RNF10: variants seen among roughly 807,000 people sequenced by gnomAD.
RNF10 encodes ring finger protein 10, also known as E3 ubiquitin-protein ligase RNF10.
Under a neutral mutation model 91.4 loss-of-function variants are expected in RNF10, and 38 were observed. The ratio of observed to expected loss-of-function variants is 0.42; its 90% CI spans 0.32 to 0.54. The LOEUF (loss-of-function observed/expected upper bound fraction) is 0.54. RNF10 is among the 20% of genes least tolerant of loss of function. The pLI is 0.16. For missense variants in RNF10, 945 were observed against 1,012.0 expected, an observed-to-expected ratio of 0.93 and a Z score of 0.90; for synonymous variants, 364 against 366.3, an observed-to-expected ratio of 0.99 and a Z score of 0.07.
At chr12:120,553,061 T>TGAGA (rs1873384923) in intron 3 of RNF10, among the ~76,000 whole-genome samples, 1 of 5,626 alleles carries the variant, frequency 1.8e-4, no homozygotes. Context: ...TTTTTTTTTT[T>TGAGA]TTTTTTTTTT....
In RNF10 at chr12:120,565,105, T is replaced by G. The variant is rs1411000861; in HGVS notation, c.1699T>G (p.Leu567Val). The change falls in exon 11 of 17, where the codon TTG becomes GTG. Residue 567 changes from leucine (L) to valine (V), a missense_variant. By Grantham distance (32) the Leu-to-Val change is conservative. Coordinates refer to ENST00000325954, the MANE Select transcript of RNF10 (RefSeq NM_014868.5). The stretch of plus-strand genomic sequence containing the variant: ...ACAGCGTCACAGATATCTCTCTCAC[T>G]TGCCACTCACCTGTGAGTTCAGCAT... ...VRQRHRYLSH[L>V]PLTCEFSICE... The G allele has an allele frequency of 1.9e-6, 3 of 1,614,018 alleles. No homozygotes were observed. Among genetic ancestry groups the G allele is most frequent in the Admixed American group, 3.3e-5 (2 of 60,008 alleles).
chr12:120,554,460 A>G (rs1307520454), intron 3 of RNF10: 7 of 407,514 alleles, frequency 1.7e-5, no homozygotes, highest in Admixed American at 1.2e-4. Flanking sequence ...TTTTAGTTCA[A>G]GGGATGCCTT....
chr12:120,549,101 A>AT, intron 2 of RNF10, among the ~76,000 whole-genome samples: 1 of 152,094 alleles, frequency 6.6e-6, no homozygotes, highest in Admixed American at 6.6e-5. Flanking sequence ...ATCTAGTGAG[A>AT]AGTGGAGCAG....
In RNF10 at chr12:120,563,234, C is replaced by T. The variant is rs1294233196; in HGVS notation, c.1255-113C>T. On this transcript the variant is annotated intron_variant, in intron 8 of 16. Transcript: ENST00000325954. ...TCCCCAGGGGTGTTAAATCAGTGAA[C>T]ACGACAGCTAAGATAAACATCTAGG... 42 of 1,476,466 alleles carry T rather than the reference C, an allele frequency of 2.8e-5. No individual in the cohort carries two copies. The East Asian group carries it at 8.2e-4, about 29-fold the overall frequency. 91.5% of individuals were successfully genotyped at this position (1,476,466 alleles called of 1,614,324 possible).
chr12:120,554,009 A>AT (rs1442985242), intron 3 of RNF10: 1 of 148,774 alleles, frequency 6.7e-6, no homozygotes, highest in Non-Finnish European at 1.5e-5. Flanking sequence ...GGTTCAAGTG[A>AT]TTCTCCTGCC....
chr12:120,556,502 G>C (rs1302852240), intron 4 of RNF10, among the ~76,000 whole-genome samples: 2 of 114,244 alleles, frequency 1.8e-5, no homozygotes, highest in Non-Finnish European at 3.3e-5. Flanking sequence ...CTGCACTCCA[G>C]CCTGGGTGAC....
In RNF10 at chr12:120,534,955, TA is replaced by T; in HGVS notation, c.147del (p.Lys49AsnfsTer71). On this transcript the variant is annotated frameshift_variant, in exon 1 of 17. Transcript: ENST00000325954. LOFTEE classifies it high-confidence loss of function. The stretch of plus-strand genomic sequence containing the variant: ...CCTCGGCGGGGCCAGCCGGCGAGTC[TA>T]AACCCAAGAGCGGTAAGGACGGGCC... ...SASAGPAGES[K>X]PKSDGKNSSG... 1 of 1,599,974 alleles carries T rather than the reference TA, an allele frequency of 6.3e-7. No individual in the cohort carries two copies.
In RNF10 at chr12:120,546,593, C is replaced by T. The variant is rs1333614483; in HGVS notation, c.346C>T (p.Arg116Ter). Residue 116 changes from arginine to a stop codon, truncating the protein, a stop_gained, in exon 2 of 17, where the codon CGA becomes TGA. Transcript: ENST00000325954. LOFTEE classifies it high-confidence loss of function. ...LFSSSFNGGR[R>*]DEVAEAQRAE... ...TAGCTCTTCTTTTAATGGTGGAAGA[C>T]GAGATGAGGTATGGAATTTGAGAAT... 3.1e-6 allele frequency: 5 copies of T among 1,612,402 alleles called. No individual in the cohort carries two copies. Among genetic ancestry groups the T allele is most frequent in the South Asian group, 1.1e-5 (1 of 90,970 alleles).
At chr12:120,559,025 A>C (rs1283949960) in intron 6 of RNF10, among the ~76,000 whole-genome samples, 5 of 146,788 alleles carry the variant, frequency 3.4e-5, no homozygotes, top group African/African-American at 1.0e-4. Flanking sequence ...AAATAATTAA[A>C]ATTAATTTAA....
rs1216294035 is a variant in RNF10, at chr12:120,576,959, C to T, written c.*293C>T. ...TGACCCATGTGTAATTAATTTTTCT[C>T]AACCCAAAGTAAGATTGAGTCCCCT... On this transcript the variant is annotated 3_prime_UTR_variant, in exon 17 of 17. Transcript: ENST00000325954. 2.7e-6 allele frequency: 1 copy of T among 375,854 alleles called. No homozygotes were observed. The highest frequency in any genetic ancestry group is 6.9e-5 in the East Asian group (1 of 14,444). The allele number at this position is 375,854 out of a possible 1,614,324, so 23.3% of individuals were successfully genotyped here.
At chr12:120,567,511 A>G (rs538626281) in intron 13 of RNF10, among the ~76,000 whole-genome samples, 3 of 151,866 alleles carry the variant, frequency 2.0e-5, no homozygotes, top group Non-Finnish European at 4.4e-5. Context: ...GACCAGCCTG[A>G]CCAACACAGT....
chr12:120,549,773 A>G (rs1872774495), intron 2 of RNF10, among the ~76,000 whole-genome samples: 1 of 152,368 alleles, frequency 6.6e-6, no homozygotes, highest in South Asian at 2.1e-4. Context: ...CGACAGAGCA[A>G]GACTCCATCT....
At chr12:120,553,401 CTT>C (rs1243050601) in intron 3 of RNF10, among the ~76,000 whole-genome samples, 67 of 95,010 alleles carry the variant, frequency 7.1e-4, no homozygotes, top group East Asian at 1.6e-3. Context: ...AAGAGGAATT[CTT>C]TTTTTTTTTT....
chr12:120,541,347 T>C (rs933493972), intron 1 of RNF10, among the ~76,000 whole-genome samples: 7 of 152,168 alleles, frequency 4.6e-5, no homozygotes, highest in African/African-American at 1.7e-4. Context: ...TAGAATCTCC[T>C]TTGCTTGAGG....
rs537641467 is a variant in RNF10 at position 120,556,606 on chromosome 12, CAT to C, written c.646-674_646-673del. Among the ~76,000 whole-genome samples the C allele has an allele frequency of 9.8e-5, 13 of 132,126 alleles. No individual in the cohort carries two copies. In the South Asian group the frequency reaches 3.3e-3, roughly 33 times the overall value. The allele number at this position is 132,126 out of a possible 152,430, so 86.7% of individuals were successfully genotyped here. On this transcript the variant is annotated intron_variant, in intron 4 of 16. Transcript: ENST00000325954. ...AATGTATAAAATCATCTGAGAATGA[CAT>C]AGCATAAAAACTTAAGTTTTATTAA...
rs774653774 is a variant in RNF10, at chr12:120,577,506, A to G, written c.*840A>G. ...TTGGTTTGAGCTGAATTTGATGTGAATTCTTTTGCTGCTTAATAAAGTGAC... is the reference window on the plus strand; with the variant it reads ...TTGGTTTGAGCTGAATTTGATGTGAGTTCTTTTGCTGCTTAATAAAGTGAC... On this transcript the variant is annotated 3_prime_UTR_variant, in exon 17 of 17. Coordinates refer to ENST00000325954, the MANE Select transcript of RNF10 (RefSeq NM_014868.5). The G allele has an allele frequency of 9.1e-6, 2 of 220,806 alleles. No homozygotes were observed. The highest frequency in any genetic ancestry group is 1.8e-5 in the Non-Finnish European group (2 of 108,284). 13.7% of individuals were successfully genotyped at this position (220,806 alleles called of 1,614,324 possible). A position where few individuals can be genotyped will look rare whatever the true frequency, so the allele number is the denominator to read the frequency against.
At chr12:120,548,902 C>G (rs1016902165) in intron 2 of RNF10, among the ~76,000 whole-genome samples, 2 of 151,916 alleles carry the variant, frequency 1.3e-5, no homozygotes, top group Non-Finnish European at 2.9e-5. Flanking sequence ...GATCTTCTGA[C>G]CTTGTGATCC....
rs374784902 is a variant in RNF10, at chr12:120,562,965, G to A, written c.1149G>A (p.Ser383=). ...GTTAGACTCGGGAAGAGGCTCTGTC[G>A]GGATTGGCCGGAAGCAGAAGGGAGG... ...QELKTREEAL[S]GLAGSRREVT... is the part of the protein sequence containing the mutation. The change falls in exon 8 of 17, where the codon TCG becomes TCA. Residue 383 remains serine (S), a synonymous_variant. Transcript: ENST00000325954. The A allele has an allele frequency of 4.4e-5, 71 of 1,613,922 alleles. No individual in the cohort carries two copies. Among genetic ancestry groups the A allele is most frequent in the Middle Eastern group, 1.6e-4 (1 of 6,084 alleles).
chr12:120,542,172 T>C (rs2137136633), intron 1 of RNF10, among the ~76,000 whole-genome samples: 1 of 152,266 alleles, frequency 6.6e-6, no homozygotes, highest in Non-Finnish European at 1.5e-5. Flanking sequence ...GGCCTTTTTC[T>C]TTTTTTGAGA....
Sources: gnomAD v4.1 joint callset for allele counts (sites outside exome capture counted in the v4.1 genomes callset) on GRCh38, gnomAD v4.1.1 for gene constraint, MANE v1.5 for transcripts, NCBI Gene and HGNC (gene_info 2026-07-23, HGNC 2026-07-21) for gene names.